The following ADAMTS2 variants were observed in gnomAD, a reference collection of about 807,000 sequenced individuals.
ADAMTS2 encodes the protein A disintegrin and metalloproteinase with thrombospondin motifs 2.
Under a neutral mutation model 123.0 loss-of-function variants are expected in ADAMTS2, and 50 were observed. The ratio of observed to expected loss-of-function variants is 0.41; its 90% confidence interval spans 0.32 to 0.51. The LOEUF (loss-of-function observed/expected upper bound fraction) is 0.51, where lower values mean the gene tolerates loss of function less well. Among genes scored for constraint, ADAMTS2 ranks in the 20% least tolerant of loss-of-function variants. The pLI is 0.35. For synonymous variants in ADAMTS2, 678 were observed against 695.4 expected (o/e 0.98, Z 0.39); for missense variants, 1,494 against 1,705.2 (o/e 0.88, Z 2.18).
chr5:179,173,289 G>A (rs910235352), intron 5 of ADAMTS2, among the ~76,000 whole-genome samples: 6 of 151,596 alleles, frequency 4.0e-5, no homozygotes, highest in Non-Finnish European at 7.4e-5. Context: ...ATTCAGTAAA[G>A]TACAAAGAAG....
chr5:179,283,976 ATTAT>A (rs1755922170), intron 2 of ADAMTS2, among the ~76,000 whole-genome samples: 1 of 133,864 alleles, frequency 7.5e-6, no homozygotes, highest in Non-Finnish European at 1.6e-5. Flanking sequence ...TATTATTATT[ATTAT>A]TATTATTATT....
intron 10 of ADAMTS2, among the ~76,000 whole-genome samples, chr5:179,150,471 A>G (rs886119444): frequency 6.6e-6 from 1 of 152,192 alleles, no homozygotes; most frequent in Admixed American, 6.5e-5. Flanking sequence ...CTTATACACA[A>G]ATGTTCACAG....
At chr5:179,231,294 CGAGT>C (rs1417218447) in intron 3 of ADAMTS2, among the ~76,000 whole-genome samples, 6 of 152,136 alleles carry the variant, frequency 3.9e-5, no homozygotes, top group African/African-American at 1.4e-4. Flanking sequence ...TGATGCTGGA[CGAGT>C]AAGTACTAGA....
Position 179,345,059 on chromosome 5 carries a change from T to C in ADAMTS2, c.139+131A>G, listed in dbSNP as rs1757900736. ...CAACCCGGCCCCGAAGTTGGCCAAC[T>C]TGGCCCCGGGCGGGGCGCGCGGAGT... On this transcript the variant is annotated intron_variant, in intron 1 of 21. Transcript: ENST00000251582. The surrounding 1 kb of genome is among the most constrained non-coding windows in gnomAD (Gnocchi z 7.5). 1.4e-6 allele frequency: 1 copy of C among 714,964 alleles called. No homozygotes were observed. Among genetic ancestry groups the C allele is most frequent in the Non-Finnish European group, 1.7e-6 (1 of 572,496 alleles). The allele number at this position is 714,964 out of a possible 1,614,324, so 44.3% of individuals were successfully genotyped here. A position where few individuals can be genotyped will look rare whatever the true frequency, so the allele number is the denominator to read the frequency against.
intron 2 of ADAMTS2, among the ~76,000 whole-genome samples, chr5:179,295,389 T>C (rs532903888): frequency 6.6e-6 from 1 of 152,196 alleles, no homozygotes; most frequent in African/African-American, 2.4e-5. Context: ...AGGTTTTATT[T>C]CTCCCGCTGT....
At chr5:179,142,006 A>G (rs1581149412) in intron 10 of ADAMTS2, among the ~76,000 whole-genome samples, 1 of 152,092 alleles carries the variant, frequency 6.6e-6, no homozygotes, top group Non-Finnish European at 1.5e-5. Context: ...GTAGGCCAGG[A>G]ATGTCACTCT....
At chr5:179,327,797 A>G (rs1581279610) in intron 2 of ADAMTS2, among the ~76,000 whole-genome samples, 1 of 152,214 alleles carries the variant, frequency 6.6e-6, no homozygotes, top group African/African-American at 2.4e-5. Flanking sequence ...TGTAGCTCCC[A>G]CACAAAATTA....
At chr5:179,138,022 T>A in intron 11 of ADAMTS2, 78 bp from the exon 12 acceptor site, 4 of 1,479,760 alleles carry the variant, frequency 2.7e-6, no homozygotes, top group Non-Finnish European at 3.6e-6. Flanking sequence ...TGAGATCTTT[T>A]TAGGGGGGAT....
Position 179,152,245 on chromosome 5 carries a change from A to G in ADAMTS2, c.1526T>C (p.Phe509Ser). 1 of 1,613,984 alleles carries G rather than the reference A, an allele frequency of 6.2e-7. No homozygotes were observed. The highest frequency in any genetic ancestry group is 8.5e-7 in the Non-Finnish European group (1 of 1,179,912). Residue 509 changes from phenylalanine (F) to serine (S), a missense_variant, in exon 10 of 22, where the codon TTT becomes TCT. Transcript: ENST00000251582. ...GCACCACAGCTGCTTGCAGGGGTCA[A>G]AGGTCCGGAACTGGAAGACAGCACC... ...GYMMCTAFRTFDPCKQLWCSH... is the reference protein window; with the variant it reads ...GYMMCTAFRTSDPCKQLWCSH...
Position 179,189,652 on chromosome 5 carries a change from C to G in ADAMTS2, c.892-8497G>C, listed in dbSNP as rs934904084. ...GATTACAGGCGTGAGCCACCGCGCC[C>G]GGCCAGGAGCAATTTTTTGTGGGCT... On this transcript the variant is annotated intron_variant, in intron 4 of 21. Transcript: ENST00000251582. The surrounding 1 kb of genome is among the most constrained non-coding windows in gnomAD (Gnocchi z 4.2). Among the ~76,000 whole-genome samples, 1 of 151,332 alleles carries G rather than the reference C, an allele frequency of 6.6e-6. No individual in the cohort carries two copies. Among genetic ancestry groups the G allele is most frequent in the Non-Finnish European group, 1.5e-5 (1 of 67,892 alleles).
intron 3 of ADAMTS2, among the ~76,000 whole-genome samples, chr5:179,239,061 C>T (rs1029599378): frequency 6.6e-5 from 10 of 152,112 alleles, no homozygotes; most frequent in Non-Finnish European, 1.2e-4. Flanking sequence ...ACCATTGAAT[C>T]GTACACTTTA....
Position 179,175,714 on chromosome 5 carries a change from A to G in ADAMTS2, c.975+5358T>C, listed in dbSNP as rs756783034. 1.7e-4 allele frequency among the ~76,000 whole-genome samples: 26 copies of G among 152,250 alleles called. No individual in the cohort carries two copies. The highest frequency in any genetic ancestry group is 3.2e-4 in the Non-Finnish European group (22 of 68,042). On this transcript the variant is annotated intron_variant, in intron 5 of 21. Coordinates refer to ENST00000251582, the MANE Select transcript of ADAMTS2 (RefSeq NM_014244.5). This position sits in a 1 kb window ranked among gnomAD's most constrained non-coding sequence, Gnocchi z 4.1. The stretch of plus-strand genomic sequence containing the variant: ...GGATTCTTTTAGGTTTTCCCGACAC[A>G]TGATTAACAGCAAACAATGAGAATT...
chr5:179,121,890 C>T, intron 20 of ADAMTS2, 140 bp from the exon 21 acceptor site: 2 of 553,894 alleles, frequency 3.6e-6, no homozygotes, highest in South Asian at 2.8e-5. Flanking sequence ...AAAGGGTCCT[C>T]CGCTGCCAAG....
At chr5:179,319,675 C>T (rs1223416145) in intron 2 of ADAMTS2, among the ~76,000 whole-genome samples, 1 of 152,008 alleles carries the variant, frequency 6.6e-6, no homozygotes. Context: ...CATCCTACCC[C>T]TCCCAGCCCT....
chr5:179,166,907 C>G (rs182293550), intron 5 of ADAMTS2, among the ~76,000 whole-genome samples: 1 of 152,304 alleles, frequency 6.6e-6, no homozygotes, highest in East Asian at 1.9e-4. Flanking sequence ...AGGCAGCGAA[C>G]GCGGCCAGAG....
At chr5:179,240,415 G>A (rs1459792526) in intron 3 of ADAMTS2, among the ~76,000 whole-genome samples, 1 of 152,192 alleles carries the variant, frequency 6.6e-6, no homozygotes, top group East Asian at 1.9e-4. Context: ...GGTAAGGGGT[G>A]GAGGGAAGGA....
rs144321159 is a variant in ADAMTS2, at chr5:179,258,063, C to A, written c.688+14848G>T. Among the ~76,000 whole-genome samples, 15 of 152,280 alleles carry A rather than the reference C, an allele frequency of 9.9e-5. No individual in the cohort carries two copies. The East Asian group carries it at 2.9e-3, about 29-fold the overall frequency. On this transcript the variant is annotated intron_variant, in intron 3 of 21. Coordinates refer to ENST00000251582, the MANE Select transcript of ADAMTS2 (RefSeq NM_014244.5). The stretch of plus-strand genomic sequence containing the variant: ...ACCACTGTCCTCAGCGAACGCCTGA[C>A]CCCCAGGCTCCAGGCAAGGTTGAGA...
rs420251 is a variant in ADAMTS2 at position 179,185,349 on chromosome 5, A to G, written c.892-4194T>C. On this transcript the variant is annotated intron_variant, in intron 4 of 21. Transcript: ENST00000251582. The surrounding 1 kb of genome is among the most constrained non-coding windows in gnomAD (Gnocchi z 5.9). Reference sequence around the variant, plus strand: ...TGTGAGGGATGATGTGGATTGGAATAGGGGTCATCTGCCCCGCCTGAGCAG... The same window carrying G: ...TGTGAGGGATGATGTGGATTGGAATGGGGGTCATCTGCCCCGCCTGAGCAG... Among the ~76,000 whole-genome samples, 88,503 of 151,912 alleles carry G rather than the reference A, an allele frequency of 0.58. 26,402 individuals carry two copies. The highest frequency in any genetic ancestry group is 0.62 in the Non-Finnish European group (41,983 of 67,936).
chr5:179,143,496 G>A (rs1010675751), intron 10 of ADAMTS2, among the ~76,000 whole-genome samples: 44 of 150,322 alleles, frequency 2.9e-4, no homozygotes, highest in South Asian at 1.9e-3. Context: ...AAACTTAAAA[G>A]ATAAACTAAT....
Sources: allele counts gnomAD v4.1 joint callset (sites outside exome capture counted in the v4.1 genomes callset), GRCh38; gene constraint gnomAD v4.1.1; non-coding constraint Gnocchi (gnomAD v3.1); transcripts MANE v1.5; gene names NCBI Gene and HGNC (gene_info 2026-07-23, HGNC 2026-07-21).